The following TJP1 variants were observed in gnomAD, a reference collection of about 807,000 sequenced individuals.
The protein encoded by TJP1 is tight junction protein 1.
TJP1 carries 43 observed loss-of-function variants against 194.2 expected under a neutral mutation model. That is an observed-to-expected ratio of 0.22 (90% confidence interval 0.17 to 0.29). The LOEUF is 0.29. TJP1 is among the 10% of genes least tolerant of loss of function. The pLI is 1.00. For synonymous variants in TJP1, 801 were observed against 779.0 expected, an observed-to-expected ratio of 1.03 and a Z score of -0.47; for missense variants, 1,971 against 2,185.7, an observed-to-expected ratio of 0.90 and a Z score of 1.96.
intron 2 of TJP1, among the ~76,000 whole-genome samples, chr15:29,898,566 C>A (rs1027798059): frequency 6.6e-6 from 1 of 152,104 alleles, no homozygotes; most frequent in Non-Finnish European, 1.5e-5. Context: ...CATATAAAAT[C>A]TATTAGACAA....
intron 2 of TJP1, among the ~76,000 whole-genome samples, chr15:29,911,756 A>G (rs999424597): frequency 1.3e-5 from 2 of 152,224 alleles, no homozygotes; most frequent in Non-Finnish European, 2.9e-5. Context: ...GAGCCAAACC[A>G]TATCACGGAA....
chr15:29,742,835 T>A, intron 8 of TJP1, 54 bp from the exon 9 acceptor site: 2 of 1,514,920 alleles, frequency 1.3e-6, no homozygotes, highest in Non-Finnish European at 1.8e-6. Flanking sequence ...CTGGAAAGCA[T>A]CTGTAAGAGA....
At position 29,711,389 on chromosome 15, in the gene TJP1, A is replaced by T. The variant is rs551174031; in HGVS notation, c.4203-389T>A. On this transcript the variant is annotated intron_variant, in intron 23 of 27. Coordinates refer to ENST00000614355, the MANE Select transcript of TJP1 (RefSeq NM_001330239.4). ...GACCCACTTTTTTTGTTTTTGAGAC[A>T]GGGTCTCATTCTGTCGCCCAGACTG... Among the ~76,000 whole-genome samples, 22 of 152,278 alleles carry T rather than the reference A, an allele frequency of 1.4e-4. No homozygotes were observed. The South Asian group carries it at 4.4e-3, about 30-fold the overall frequency.
intron 2 of TJP1, among the ~76,000 whole-genome samples, chr15:29,953,140 A>ATTTTGTTTTTTTTTTT (rs2055814106): frequency 9.0e-6 from 1 of 110,978 alleles, no homozygotes; most frequent in East Asian, 3.8e-4. Context: ...AAGAAGACAG[A>ATTTTGTTTTTTTTTTT]TTTTTTTTTT....
intron 2 of TJP1, among the ~76,000 whole-genome samples, chr15:29,857,013 A>G (rs1022658749): frequency 2.0e-5 from 3 of 152,214 alleles, no homozygotes; most frequent in African/African-American, 7.2e-5. Flanking sequence ...AACATATACC[A>G]GAGGGTATGT....
chr15:29,949,411 CACCTCT>C (rs202214279), intron 2 of TJP1, among the ~76,000 whole-genome samples: 63 of 140,072 alleles, frequency 4.5e-4, no homozygotes, highest in South Asian at 7.2e-4. Flanking sequence ...CCACAACCAC[CACCTCT>C]ACCTCCACAA....
intron 1 of TJP1, among the ~76,000 whole-genome samples, chr15:29,816,588 A>C (rs1164841946): frequency 6.6e-6 from 1 of 152,202 alleles, no homozygotes; most frequent in Non-Finnish European, 1.5e-5. Flanking sequence ...CTCACAAACT[A>C]CAGTGAGTTT....
intron 2 of TJP1, among the ~76,000 whole-genome samples, chr15:29,888,745 T>G (rs2053206834): frequency 6.6e-6 from 1 of 152,194 alleles, no homozygotes; most frequent in South Asian, 2.1e-4. Flanking sequence ...TCTGGCTCAG[T>G]GTCCCCAGAG....
intron 2 of TJP1, among the ~76,000 whole-genome samples, chr15:29,850,865 C>T (rs2051616759): frequency 6.6e-6 from 1 of 151,976 alleles, no homozygotes; most frequent in Admixed American, 6.6e-5. Context: ...AGGCTGGGCA[C>T]AGTGGCTCAC....
Position 29,732,466 on chromosome 15 carries a change from C to A in TJP1, c.1984G>T (p.Ala662Ser). Residue 662 changes from alanine (A) to serine (S), a missense_variant, in exon 15 of 28, where the codon GCA becomes TCA. Ala to Ser is a moderately conservative substitution (Grantham distance 99). Coordinates refer to ENST00000614355, the MANE Select transcript of TJP1 (RefSeq NM_001330239.4). ...TGATAAATATCTGGTTCTTCTCTTGCCAGCTTTTCTCTGGCAACATCAGCT... is the reference window on the plus strand; with the variant it reads ...TGATAAATATCTGGTTCTTCTCTTGACAGCTTTTCTCTGGCAACATCAGCT... ...PIADVAREKL[A>S]REEPDIYQIA... is the part of the protein sequence containing the mutation. 1 of 1,613,894 alleles carries A rather than the reference C, an allele frequency of 6.2e-7. No homozygotes were observed. Among genetic ancestry groups the A allele is most frequent in the Non-Finnish European group, 8.5e-7 (1 of 1,180,024 alleles).
chr15:29,959,034 G>C (rs1775620612), intron 1 of TJP1, among the ~76,000 whole-genome samples: 1 of 150,582 alleles, frequency 6.6e-6, no homozygotes, highest in Non-Finnish European at 1.5e-5. Context: ...GTGCCTCCCA[G>C]GCTGGAGTGC....
At chr15:29,743,680 T>C (rs1051515530) in intron 8 of TJP1, among the ~76,000 whole-genome samples, 3 of 152,082 alleles carry the variant, frequency 2.0e-5, no homozygotes, top group Non-Finnish European at 2.9e-5. Flanking sequence ...TGAGCTATGA[T>C]AGAGCCACTA....
At chr15:29,861,817 T>C (rs2052091978) in intron 2 of TJP1, among the ~76,000 whole-genome samples, 2 of 152,218 alleles carry the variant, frequency 1.3e-5, no homozygotes, top group South Asian at 2.1e-4. Context: ...GACGGTATCA[T>C]TTAAAGCACA....
chr15:29,709,437 G>C (rs2042106532), intron 24 of TJP1, among the ~76,000 whole-genome samples: 1 of 152,220 alleles, frequency 6.6e-6, no homozygotes, highest in Non-Finnish European at 1.5e-5. Flanking sequence ...AAAGTCTGAT[G>C]ATGCCAAACA....
chr15:29,703,035 A>C (rs2140920068), intron 27 of TJP1, among the ~76,000 whole-genome samples: 1 of 152,362 alleles, frequency 6.6e-6, no homozygotes, highest in Non-Finnish European at 1.5e-5. Context: ...CAGGAGAAAA[A>C]GTCATTTACA....
At chr15:29,913,221 T>TA (rs1288585600) in intron 2 of TJP1, among the ~76,000 whole-genome samples, 3 of 152,080 alleles carry the variant, frequency 2.0e-5, no homozygotes, top group Non-Finnish European at 4.4e-5. Context: ...ACGGAGGACT[T>TA]AAAAGACCAG....
chr15:29,849,676 T>C (rs566882213), intron 2 of TJP1, among the ~76,000 whole-genome samples: 2 of 150,804 alleles, frequency 1.3e-5, no homozygotes, highest in African/African-American at 4.9e-5. Context: ...GAGTCGGAGG[T>C]TCGGAGGTTG....
chr15:29,762,520 T>G, intron 5 of TJP1, 82 bp from the exon 6 acceptor site: 1 of 941,642 alleles, frequency 1.1e-6, no homozygotes, highest in Non-Finnish European at 1.6e-6. Context: ...CTAAACTAAT[T>G]AACTACTGCA....
intron 18 of TJP1, among the ~76,000 whole-genome samples, chr15:29,722,316 T>C (rs2042978929): frequency 6.6e-6 from 1 of 152,226 alleles, no homozygotes; most frequent in African/African-American, 2.4e-5. Flanking sequence ...TGCTGCTCTG[T>C]GCAGCCTCAG....
Sources: allele counts gnomAD v4.1 joint callset (sites outside exome capture counted in the v4.1 genomes callset), GRCh38; gene constraint gnomAD v4.1.1; transcripts MANE v1.5; gene names NCBI Gene and HGNC (gene_info 2026-07-23, HGNC 2026-07-21).